PCDH10: variants seen among roughly 807,000 people sequenced by gnomAD.
PCDH10 encodes the protein protocadherin 10, also known as protocadherin-10.
A neutral mutation model predicts 74.4 loss-of-function variants in PCDH10; 15 were observed. That is an observed-to-expected ratio of 0.20 (90% CI 0.13 to 0.31). The LOEUF (loss-of-function observed/expected upper bound fraction) is 0.31. Among genes scored for constraint, PCDH10 ranks in the 10% least tolerant of loss-of-function variants. The probability of loss-of-function intolerance (pLI) is 1.00; values close to 1 mark genes in which losing one functional copy is unlikely to be tolerated. For synonymous variants in PCDH10, 619 were observed against 589.8 expected, an observed-to-expected ratio of 1.05 and a Z score of -0.72; for missense variants, 1,260 against 1,390.2, an observed-to-expected ratio of 0.91 and a Z score of 1.49.
Position 133,151,771 on chromosome 4 carries a change from A to T in PCDH10, c.1631A>T (p.Glu544Val), listed in dbSNP as rs1726705645. 6.2e-7 allele frequency: 1 copy of T among 1,613,110 alleles called. No individual in the cohort carries two copies. Among genetic ancestry groups the T allele is most frequent in the African/African-American group, 1.3e-5 (1 of 75,066 alleles). Residue 544 changes from glutamate (E) to valine (V), a missense_variant, in exon 1 of 5, where the codon GAA (glutamate) becomes GTA (valine). Coordinates refer to ENST00000264360, the MANE Select transcript of PCDH10 (RefSeq NM_032961.3). ...CTGAAGGACTTCAGTTTTCAGGTGG[A>T]AGCCCGGGACGCTGGCAGCCCCCAG... ...EQLKDFSFQV[E>V]ARDAGSPQAL...
At chr4:133,190,015 C>T (rs889754045) in intron 4 of PCDH10, 126 bp from the exon 5 acceptor site, 3 of 761,528 alleles carry the variant, frequency 3.9e-6, no homozygotes, top group East Asian at 2.6e-5. Context: ...AAGTTTGACA[C>T]TACATGTGTT....
intron 4 of PCDH10, among the ~76,000 whole-genome samples, chr4:133,184,777 T>TATTATATAAATATATAA (rs1727502900): frequency 7.2e-6 from 1 of 138,274 alleles, no homozygotes; most frequent in African/African-American, 2.7e-5. Flanking sequence ...TATATAAATA[T>TATTATATAAATATATAA]ATATATAAAT....
intron 4 of PCDH10, among the ~76,000 whole-genome samples, chr4:133,173,701 T>G (rs1727240588): frequency 1.3e-5 from 2 of 150,282 alleles, no homozygotes; most frequent in Admixed American, 1.3e-4. Context: ...TTTGGAATTT[T>G]TTAGAGGAAA....
At chr4:133,186,742 G>A (rs1727548264) in intron 4 of PCDH10, among the ~76,000 whole-genome samples, 2 of 152,056 alleles carry the variant, frequency 1.3e-5, no homozygotes, top group Non-Finnish European at 2.9e-5. Flanking sequence ...TTTTGAGGCA[G>A]AGCCTTGCTC....
intron 4 of PCDH10, among the ~76,000 whole-genome samples, chr4:133,168,581 A>AT (rs1255071339): frequency 6.6e-6 from 1 of 151,564 alleles, no homozygotes; most frequent in African/African-American, 2.4e-5. Flanking sequence ...AACTTACACA[A>AT]TTATAAGTAC....
rs578116699 is a variant in PCDH10 at position 133,168,584 on chromosome 4, A to T, written c.3103+5302A>T. Among the ~76,000 whole-genome samples the T allele has an allele frequency of 2.6e-4, 39 of 151,762 alleles. 1 individual carries two copies. The South Asian group carries it at 7.2e-3, about 28-fold the overall frequency. On this transcript the variant is annotated intron_variant, in intron 4 of 4. Coordinates refer to ENST00000264360, the MANE Select transcript of PCDH10 (RefSeq NM_032961.3). Reference sequence around the variant, plus strand: ...CTAAATATTCAAAACTTACACAATTATAAGTACTATGTTTTGCAACTGCTT... The same window carrying T: ...CTAAATATTCAAAACTTACACAATTTTAAGTACTATGTTTTGCAACTGCTT...
downstream of PCDH10, among the ~76,000 whole-genome samples, chr4:133,196,801 T>C (rs1374341639): frequency 2.0e-5 from 3 of 152,230 alleles, no homozygotes; most frequent in African/African-American, 4.8e-5. Flanking sequence ...CGGATCTCTT[T>C]AACTGCAATA....
rs541029301 is a variant in PCDH10 at position 133,193,794 on chromosome 4, C to A, written c.*3634C>A. On this transcript the variant is annotated 3_prime_UTR_variant, in exon 5 of 5. Coordinates refer to ENST00000264360, the MANE Select transcript of PCDH10 (RefSeq NM_032961.3). ...ATTTTTCTGAAAATCTTATATTTTT[C>A]ATATTACAAATTCTTGAGTTCTTTA... The A allele has an allele frequency of 1.3e-4, 19 of 151,514 alleles. No homozygotes were observed. The highest frequency in any genetic ancestry group is 2.5e-4 in the Non-Finnish European group (17 of 67,644). The allele number at this position is 151,514 out of a possible 1,614,324, so 9.4% of individuals were successfully genotyped here.
intron 4 of PCDH10, among the ~76,000 whole-genome samples, chr4:133,170,032 A>T (rs528508977): frequency 1.3e-5 from 2 of 152,084 alleles, no homozygotes; most frequent in Non-Finnish European, 2.9e-5. Context: ...TTGAGTTTCA[A>T]TAAGACTTCC....
chr4:133,166,553 G>A (rs1727085305), intron 4 of PCDH10, among the ~76,000 whole-genome samples: 2 of 151,330 alleles, frequency 1.3e-5, no homozygotes, highest in African/African-American at 4.8e-5. Flanking sequence ...TGAATATAAA[G>A]TCAAGAATGT....
chr4:133,154,321 A>C lies in PCDH10; in HGVS notation c.2646A>C (p.Arg882=). The change falls in exon 2 of 5, where the codon CGA becomes CGC. Residue 882 remains arginine, a synonymous_variant. Coordinates refer to ENST00000264360, the MANE Select transcript of PCDH10 (RefSeq NM_032961.3). ...TTTTTTCCTAGACTAAACACCAGCGAGCAGAGCTCAGCTATCTAGTTGACA... is the reference window on the plus strand; with the variant it reads ...TTTTTTCCTAGACTAAACACCAGCGCGCAGAGCTCAGCTATCTAGTTGACA... ...SILSNETKHQ[R]AELSYLVDRP... is the part of the protein sequence containing the mutation. 6.2e-7 allele frequency: 1 copy of C among 1,607,680 alleles called. No individual in the cohort carries two copies. The highest frequency in any genetic ancestry group is 8.5e-7 in the Non-Finnish European group (1 of 1,176,942).
In PCDH10 at chr4:133,154,294, A is replaced by T; in HGVS notation, c.2632-13A>T. ...GCATTCAAATGCTCTTGATTTATTT[A>T]TTTTTTTCCTAGACTAAACACCAGC... On this transcript the variant is annotated splice_polypyrimidine_tract_variant and intron_variant, in intron 1 of 4. Coordinates refer to ENST00000264360, the MANE Select transcript of PCDH10 (RefSeq NM_032961.3). The T allele has an allele frequency of 6.3e-7, 1 of 1,592,120 alleles. No individual in the cohort carries two copies. The highest frequency in any genetic ancestry group is 8.6e-7 in the Non-Finnish European group (1 of 1,164,410).
intron 2 of PCDH10, among the ~76,000 whole-genome samples, chr4:133,205,662 C>G (rs1274173548): frequency 6.6e-6 from 1 of 152,022 alleles, no homozygotes; most frequent in Non-Finnish European, 1.5e-5. Context: ...ACCTCCTCTA[C>G]TTGTCTGTCA....
At chr4:133,160,229 T>A (rs1726939712) in intron 3 of PCDH10, among the ~76,000 whole-genome samples, 1 of 151,984 alleles carries the variant, frequency 6.6e-6, no homozygotes, top group African/African-American at 2.4e-5. Flanking sequence ...GAAACATTTA[T>A]GTACAATTTG....
intron 2 of PCDH10, among the ~76,000 whole-genome samples, chr4:133,199,761 A>G (rs1578581987): frequency 6.8e-6 from 1 of 146,328 alleles, no homozygotes; most frequent in Non-Finnish European, 1.5e-5. Flanking sequence ...AGTTGTTTTT[A>G]ATTATTATTA....
chr4:133,171,580 A>G (rs1727204066), intron 4 of PCDH10, among the ~76,000 whole-genome samples: 1 of 152,160 alleles, frequency 6.6e-6, no homozygotes, highest in Non-Finnish European at 1.5e-5. Context: ...GACAAAATAG[A>G]TATAATAAAT....
At chr4:133,177,005 T>C (rs72715798) in intron 4 of PCDH10, among the ~76,000 whole-genome samples, 21,908 of 151,826 alleles carry the variant, frequency 0.14, 1,907 homozygotes, top group Middle Eastern at 0.24. Context: ...AAAATCAATG[T>C]CCATATAGAA....
intron 3 of PCDH10, 69 bp from the exon 4 acceptor site, chr4:133,162,908 T>A: frequency 1.5e-6 from 2 of 1,350,594 alleles, no homozygotes; most frequent in Non-Finnish European, 2.1e-6. Context: ...CTACCTGTAA[T>A]CTTACACTGC....
At chr4:133,154,782 AGCTTTAT>A (rs1726827877) in intron 2 of PCDH10, 128 bp from the exon 3 acceptor site, 3 of 633,890 alleles carry the variant, frequency 4.7e-6, no homozygotes, top group African/African-American at 1.8e-5. Flanking sequence ...TATAAAAACT[AGCTTTAT>A]GCAGAAACAA....
Sources: gnomAD v4.1 joint callset for allele counts (sites outside exome capture counted in the v4.1 genomes callset) on GRCh38, gnomAD v4.1.1 for gene constraint, MANE v1.5 for transcripts, NCBI Gene and HGNC (gene_info 2026-07-23, HGNC 2026-07-21) for gene names.